The following RALGPS2 variants were observed in gnomAD, a reference collection of about 807,000 sequenced individuals.
The protein encoded by RALGPS2 is ras-specific guanine nucleotide-releasing factor RalGPS2.
In RALGPS2, 43 loss-of-function variants were observed where a neutral mutation model predicts 86.8. The ratio of observed to expected loss-of-function variants is 0.50; its 90% CI spans 0.39 to 0.64. The LOEUF is 0.64. RALGPS2 is among the 30% of genes least tolerant of loss of function. RALGPS2 has a pLI of 0.00. For missense variants in RALGPS2, 536 were observed against 694.6 expected (o/e 0.77, Z 2.57); for synonymous variants, 243 against 231.3 (o/e 1.05, Z -0.46).
At chr1:178,848,850 A>G (rs923035706) in intron 8 of RALGPS2, among the ~76,000 whole-genome samples, 4 of 152,012 alleles carry the variant, frequency 2.6e-5, no homozygotes, top group Admixed American at 2.6e-4. Context: ...GGCTGGTCTC[A>G]AACTCCTGAG....
chr1:178,772,120 C>T (rs1046913070), intron 1 of RALGPS2, among the ~76,000 whole-genome samples: 4 of 152,206 alleles, frequency 2.6e-5, no homozygotes, highest in African/African-American at 9.7e-5. Flanking sequence ...GTTCCTTTCT[C>T]TGACCATTCC....
At chr1:178,911,561 C>T (rs1187591785) in intron 19 of RALGPS2, among the ~76,000 whole-genome samples, 1 of 152,156 alleles carries the variant, frequency 6.6e-6, no homozygotes, top group African/African-American at 2.4e-5. Flanking sequence ...TTTTATTGTA[C>T]TGTAGTCTGA....
chr1:178,877,587 A>C lies in RALGPS2; in HGVS notation c.697A>C (p.Asn233His), dbSNP rs1659057220. 6.2e-7 allele frequency: 1 copy of C among 1,613,428 alleles called. No individual in the cohort carries two copies. Among genetic ancestry groups the C allele is most frequent in the East Asian group, 2.2e-5 (1 of 44,822 alleles). Residue 233 changes from asparagine to histidine, a missense_variant, in exon 9 of 20, where the codon AAT becomes CAT. Coordinates refer to ENST00000367635, the MANE Select transcript of RALGPS2 (RefSeq NM_152663.5). ...AAATGAGCAAAGATCAAATTTAATG[A>C]ATAATATCCTTCGAATAATTTCTGA... ...LENEQRSNLMNNILRIISDLQ... is the reference protein window; with the variant it reads ...LENEQRSNLMHNILRIISDLQ...
chr1:178,900,213 C>T (rs1325634300), intron 17 of RALGPS2, among the ~76,000 whole-genome samples: 8 of 151,798 alleles, frequency 5.3e-5, no homozygotes, highest in Non-Finnish European at 7.4e-5. Flanking sequence ...TAAAATATAC[C>T]TGTTCATGGC....
chr1:178,866,365 A>C (rs1477982557), intron 8 of RALGPS2, among the ~76,000 whole-genome samples: 1 of 152,198 alleles, frequency 6.6e-6, no homozygotes, highest in Non-Finnish European at 1.5e-5. Flanking sequence ...TAAAGATTTT[A>C]GGGAAATCTA....
chr1:178,899,301 AGT>A (rs1311050090), intron 17 of RALGPS2, among the ~76,000 whole-genome samples: 2 of 151,860 alleles, frequency 1.3e-5, no homozygotes, highest in African/African-American at 4.8e-5. Context: ...ATTAAAGCAT[AGT>A]GAGTTGTGAG....
chr1:178,883,407 A>T, intron 10 of RALGPS2, 59 bp from the exon 11 acceptor site: 1 of 1,319,744 alleles, frequency 7.6e-7, no homozygotes, highest in Non-Finnish European at 1.1e-6. Context: ...CACAACTTTA[A>T]TCTTATTTTG....
At chr1:178,756,998 C>G (rs1160151029) in intron 1 of RALGPS2, among the ~76,000 whole-genome samples, 3 of 152,022 alleles carry the variant, frequency 2.0e-5, no homozygotes, top group Non-Finnish European at 2.9e-5. Context: ...TTGTAGAGAT[C>G]TTTCACCTCC....
intron 8 of RALGPS2, among the ~76,000 whole-genome samples, chr1:178,873,671 A>G (rs1221760778): frequency 1.3e-5 from 2 of 152,306 alleles, no homozygotes; most frequent in African/African-American, 2.4e-5. Context: ...CTATAGCAAC[A>G]TGGTTGGGGG....
At chr1:178,808,468 C>A (rs576977786) in intron 5 of RALGPS2, among the ~76,000 whole-genome samples, 2 of 152,184 alleles carry the variant, frequency 1.3e-5, no homozygotes, top group African/African-American at 2.4e-5. Flanking sequence ...ACCAGTCATG[C>A]TCTTTTCTTA....
chr1:178,794,080 A>C (rs1038592331), intron 4 of RALGPS2, among the ~76,000 whole-genome samples: 1 of 152,034 alleles, frequency 6.6e-6, no homozygotes, highest in African/African-American at 2.4e-5. Context: ...TCTTTTGATC[A>C]TGAAGGTTTG....
intron 1 of RALGPS2, among the ~76,000 whole-genome samples, chr1:178,765,533 GAAATTA>G: frequency 6.6e-6 from 1 of 152,246 alleles, no homozygotes; most frequent in Middle Eastern, 3.4e-3. Flanking sequence ...GGAACGGAGC[GAAATTA>G]AAATTGTTAA....
intron 11 of RALGPS2, 101 bp downstream of exon 11, chr1:178,883,634 C>T (rs951945087): frequency 8.4e-6 from 7 of 836,928 alleles, no homozygotes; most frequent in Non-Finnish European, 1.3e-5. Context: ...TCTTATACTG[C>T]ATGTAAAATT....
intron 4 of RALGPS2, among the ~76,000 whole-genome samples, chr1:178,807,275 C>T (rs950662665): frequency 6.6e-6 from 1 of 152,136 alleles, no homozygotes; most frequent in East Asian, 1.9e-4. Context: ...GATAAAGCTG[C>T]AGCGAACTAT....
At chr1:178,839,852 C>A (rs977584996) in intron 8 of RALGPS2, among the ~76,000 whole-genome samples, 12 of 151,916 alleles carry the variant, frequency 7.9e-5, no homozygotes, top group African/African-American at 2.9e-4. Flanking sequence ...AAAGGGGTTG[C>A]GATCCTAGTC....
At chr1:178,736,470 G>T (rs893499613) in intron 1 of RALGPS2, among the ~76,000 whole-genome samples, 2 of 151,944 alleles carry the variant, frequency 1.3e-5, no homozygotes, top group South Asian at 4.2e-4. Flanking sequence ...GCCTTAATTT[G>T]CATTTTAAAC....
At chr1:178,900,878 A>C (rs1660143750) in intron 17 of RALGPS2, among the ~76,000 whole-genome samples, 1 of 152,022 alleles carries the variant, frequency 6.6e-6, no homozygotes, top group Non-Finnish European at 1.5e-5. Context: ...CCTGTTTCTG[A>C]AGCAGTTTAT....
intron 1 of RALGPS2, among the ~76,000 whole-genome samples, chr1:178,729,313 G>A (rs376749335): frequency 1.3e-5 from 2 of 151,962 alleles, no homozygotes; most frequent in East Asian, 1.9e-4. Context: ...ACATTAAAAC[G>A]TACATTAGTT....
At chr1:178,798,890 A>C (rs989813416) in intron 4 of RALGPS2, among the ~76,000 whole-genome samples, 3 of 152,170 alleles carry the variant, frequency 2.0e-5, no homozygotes, top group Admixed American at 1.3e-4. Flanking sequence ...CCAGCAAAGG[A>C]TGGTTTGATA....
Sources: allele counts gnomAD v4.1 joint callset (sites outside exome capture counted in the v4.1 genomes callset), GRCh38; gene constraint gnomAD v4.1.1; transcripts MANE v1.5; gene names NCBI Gene and HGNC (gene_info 2026-07-23, HGNC 2026-07-21).